SOX5: variants seen among roughly 807,000 people sequenced by gnomAD.
SOX5 encodes transcription factor SOX-5.
Under a neutral mutation model 92.0 loss-of-function variants are expected in SOX5, and 9 were observed. The ratio of observed to expected loss-of-function variants is 0.10; its 90% CI spans 0.06 to 0.17. The LOEUF (loss-of-function observed/expected upper bound fraction) is 0.17. SOX5 is among the 10% of genes least tolerant of loss of function. SOX5 has a pLI of 1.00. For synonymous variants in SOX5, 344 were observed against 336.3 expected, an observed-to-expected ratio of 1.02 and a Z score of -0.25; for missense variants, 642 against 944.5, an observed-to-expected ratio of 0.68 and a Z score of 4.20.
intron 1 of SOX5, among the ~76,000 whole-genome samples, chr12:23,924,273 T>C (rs1475771743): frequency 2.0e-5 from 3 of 152,204 alleles, no homozygotes; most frequent in Non-Finnish European, 4.4e-5. Flanking sequence ...TCACACTTGA[T>C]AGGCTACGTT....
intron 3 of SOX5, among the ~76,000 whole-genome samples, chr12:24,243,349 T>C (rs895382663): frequency 2.6e-5 from 4 of 152,170 alleles, no homozygotes; most frequent in African/African-American, 9.6e-5. Flanking sequence ...TTAAAGTGTG[T>C]TTTTCTGTAC....
At chr12:23,808,130 TA>T (rs57987903) in intron 3 of SOX5, among the ~76,000 whole-genome samples, 7 of 152,132 alleles carry the variant, frequency 4.6e-5, no homozygotes, top group East Asian at 1.9e-4. Flanking sequence ...TATATATATA[TA>T]TTTTTATATG....
At chr12:23,637,992 T>C (rs1484856689) in intron 8 of SOX5, 4 of 151,984 alleles carry the variant, frequency 2.6e-5, no homozygotes, top group Non-Finnish European at 5.9e-5. Context: ...GGTTTCTCCA[T>C]GGAGCAGCAC....
intron 4 of SOX5, among the ~76,000 whole-genome samples, chr12:24,136,230 G>A (rs7973530): frequency 0.22 from 33,201 of 152,190 alleles, 3,911 homozygotes; most frequent in African/African-American, 0.29. Context: ...TAACCAGAAG[G>A]CCCAGAGAGT....
intron 1 of SOX5, among the ~76,000 whole-genome samples, chr12:24,374,265 C>T (rs1380365831): frequency 6.6e-6 from 1 of 151,994 alleles, no homozygotes; most frequent in African/African-American, 2.4e-5. Context: ...CTTTCATTGA[C>T]ATTTCTTGGT....
rs180897826 is a variant in SOX5, at chr12:23,654,249, A to G, written c.931+11195T>C. 2.1e-4 allele frequency among the ~76,000 whole-genome samples: 32 copies of G among 152,226 alleles called. No homozygotes were observed. The East Asian group carries it at 4.1e-3, about 19-fold the overall frequency. ...AAAGAATAAAATAATCTCTTTTAAC[A>G]TATTTTCATATAACAATAATTCTTT... On this transcript the variant is annotated intron_variant, in intron 7 of 14. Coordinates refer to ENST00000451604, the MANE Select transcript of SOX5 (RefSeq NM_006940.6).
In SOX5 at chr12:24,209,913, G is replaced by A. The variant is rs920718171; in HGVS notation, c.-2+3430C>T. Among the ~76,000 whole-genome samples the A allele has an allele frequency of 1.3e-3, 192 of 148,416 alleles. 2 individuals are homozygous for A. Among genetic ancestry groups the A allele is most frequent in the Admixed American group, 3.5e-3 (52 of 14,924 alleles). ...GGCGCCTGTAGTCCCAGCTACTTGG[G>A]AGGCTGAGACAGGAGAATGGCATGA... On this transcript the variant is annotated intron_variant, in intron 4 of 4. Transcript: ENST00000446891.
At chr12:24,341,162 G>C (rs1158181059) in intron 2 of SOX5, among the ~76,000 whole-genome samples, 1 of 152,152 alleles carries the variant, frequency 6.6e-6, no homozygotes, top group Non-Finnish European at 1.5e-5. Flanking sequence ...AGGTAAGTGG[G>C]AGTAAATGCA....
intron 1 of SOX5, among the ~76,000 whole-genome samples, chr12:24,444,596 C>A (rs754038294): frequency 6.6e-6 from 1 of 152,226 alleles, no homozygotes; most frequent in Admixed American, 6.5e-5. Context: ...GTAAATGAAG[C>A]ACTTAGTGCC....
chr12:24,478,007 C>A (rs1223301767), intron 1 of SOX5, among the ~76,000 whole-genome samples: 1 of 152,024 alleles, frequency 6.6e-6, no homozygotes, highest in Admixed American at 6.6e-5. Flanking sequence ...CAAAAACTTT[C>A]CAAAAAGAAG....
chr12:24,203,580 G>C (rs1408434937), intron 4 of SOX5, among the ~76,000 whole-genome samples: 5 of 152,066 alleles, frequency 3.3e-5, no homozygotes, highest in African/African-American at 9.7e-5. Flanking sequence ...TAATAACCAG[G>C]CTTCATTCTA....
At chr12:23,691,009 T>A (rs1395909596) in intron 6 of SOX5, among the ~76,000 whole-genome samples, 1 of 152,208 alleles carries the variant, frequency 6.6e-6, no homozygotes, top group Non-Finnish European at 1.5e-5. Flanking sequence ...ACTCATTTTC[T>A]CAGTCTTCAA....
intron 4 of SOX5, among the ~76,000 whole-genome samples, chr12:24,110,071 A>C (rs1278463027): frequency 6.6e-6 from 1 of 150,422 alleles, no homozygotes; most frequent in African/African-American, 2.5e-5. Flanking sequence ...AACAACTTAC[A>C]AAAGTCCTTT....
At chr12:24,463,798 C>A (rs1943914512) in intron 1 of SOX5, among the ~76,000 whole-genome samples, 1 of 152,156 alleles carries the variant, frequency 6.6e-6, no homozygotes, top group South Asian at 2.1e-4. Flanking sequence ...CTGAAGCTTC[C>A]AATCCTGGTC....
At chr12:23,664,337 A>AT (rs59753270) in intron 7 of SOX5, among the ~76,000 whole-genome samples, 10 of 151,956 alleles carry the variant, frequency 6.6e-5, no homozygotes, top group African/African-American at 1.9e-4. Flanking sequence ...ATATATATAT[A>AT]AGCCAAAATG....
chr12:23,625,371 C>A (rs2077634778), intron 8 of SOX5, among the ~76,000 whole-genome samples: 1 of 152,168 alleles, frequency 6.6e-6, no homozygotes. Context: ...AATCCTCTCT[C>A]TTTAAAGTTA....
At chr12:23,900,602 C>T (rs888619936) in intron 1 of SOX5, among the ~76,000 whole-genome samples, 3 of 151,990 alleles carry the variant, frequency 2.0e-5, no homozygotes, top group African/African-American at 7.3e-5. Flanking sequence ...GGAGGGTGAC[C>T]GGGTATCAGA....
intron 2 of SOX5, among the ~76,000 whole-genome samples, chr12:24,313,688 T>C (rs1565885636): frequency 6.6e-6 from 1 of 152,240 alleles, no homozygotes; most frequent in Admixed American, 6.5e-5. Flanking sequence ...ATTGCACTTA[T>C]TTGTGCTTCA....
intron 4 of SOX5, among the ~76,000 whole-genome samples, chr12:24,132,980 A>G (rs1447758976): frequency 6.6e-6 from 1 of 152,186 alleles, no homozygotes; most frequent in African/African-American, 2.4e-5. Flanking sequence ...CAGTAAGTAA[A>G]AGATAAAGTC....
Sources: gnomAD v4.1 joint callset for allele counts (sites outside exome capture counted in the v4.1 genomes callset) on GRCh38, gnomAD v4.1.1 for gene constraint, MANE v1.5 for transcripts, NCBI Gene and HGNC (gene_info 2026-07-23, HGNC 2026-07-21) for gene names.